Variants in EYS observed in about 807,000 individuals in gnomAD.
The protein encoded by EYS is EGF-like photoreceptor maintenance factor.
In EYS, 250 loss-of-function variants were observed where a neutral mutation model predicts 282.1. That is an observed-to-expected ratio of 0.89 (90% confidence interval 0.80 to 0.98). EYS has a LOEUF of 0.98. Ranked by LOEUF, EYS falls within the 50% of genes least tolerant of loss-of-function variation. The pLI, the probability that EYS is intolerant of heterozygous loss-of-function variation, is 0.00. For synonymous variants in EYS, 1,355 were observed against 1,282.9 expected (o/e 1.06, Z -1.20); for missense variants, 4,016 against 3,709.0 (o/e 1.08, Z -2.15).
intron 18 of EYS, among the ~76,000 whole-genome samples, chr6:64,890,542 T>A (rs945837106): frequency 7.9e-5 from 12 of 152,150 alleles, no homozygotes; most frequent in Non-Finnish European, 2.9e-5. Context: ...CCTACGTGAA[T>A]ATCAGGGCAG....
intron 1 of EYS, among the ~76,000 whole-genome samples, chr6:65,641,438 C>A (rs1235291476): frequency 1.3e-5 from 2 of 152,210 alleles, no homozygotes; most frequent in African/African-American, 2.4e-5. Context: ...TTTCTGAGAT[C>A]TCTGGCAAGT....
chr6:63,912,185 C>A (rs1764270509), intron 35 of EYS, among the ~76,000 whole-genome samples: 1 of 151,986 alleles, frequency 6.6e-6, no homozygotes, highest in Non-Finnish European at 1.5e-5. Flanking sequence ...CATTTTATAC[C>A]TCTATTTCAA....
At chr6:65,687,328 C>T (rs1350772845) in intron 1 of EYS, among the ~76,000 whole-genome samples, 1 of 152,002 alleles carries the variant, frequency 6.6e-6, no homozygotes. Context: ...ACATAACAGT[C>T]CAGTTGGAAA....
chr6:63,864,039 G>A, intron 36 of EYS, 147 bp downstream of exon 36: 1 of 697,644 alleles, frequency 1.4e-6, no homozygotes, highest in East Asian at 3.1e-5. Context: ...TCACTAATGG[G>A]TCTTGTCTCA....
At position 63,720,513 on chromosome 6, in the gene EYS, T is replaced by A. The variant is rs573554353; in HGVS notation, c.*83A>T. On this transcript the variant is annotated 3_prime_UTR_variant, in exon 43 of 43. Transcript: ENST00000503581. ...TCAGGTAATATAGTAAACAGTTGAT[T>A]CCCCGTAAGCAATGTATCAAAGAAA... is the stretch of plus-strand genomic sequence containing the variant. 7.1e-6 allele frequency: 7 copies of A among 985,006 alleles called. No homozygotes were observed. In the South Asian group the frequency reaches 1.0e-4, roughly 14 times the overall value. 61.0% of individuals were successfully genotyped at this position (985,006 alleles called of 1,614,324 possible). A position where few individuals can be genotyped will look rare whatever the true frequency, so the allele number is the denominator to read the frequency against.
chr6:64,054,332 T>C (rs1770911423), intron 33 of EYS, among the ~76,000 whole-genome samples: 1 of 152,074 alleles, frequency 6.6e-6, no homozygotes, highest in African/African-American at 2.4e-5. Context: ...TACAATTTCA[T>C]AGAAAAAAAA....
chr6:64,646,522 G>A (rs931239364), intron 22 of EYS, among the ~76,000 whole-genome samples: 2 of 152,070 alleles, frequency 1.3e-5, no homozygotes, highest in African/African-American at 4.8e-5. Flanking sequence ...ATTCTTTATA[G>A]GCAGGGCGCG....
At chr6:64,126,147 G>C (rs1773779080) in intron 31 of EYS, among the ~76,000 whole-genome samples, 1 of 152,020 alleles carries the variant, frequency 6.6e-6, no homozygotes, top group Non-Finnish European at 1.5e-5. Context: ...ACAGTGTGGT[G>C]ATTCCTCAAG....
At chr6:65,099,921 A>G (rs1264725172) in intron 12 of EYS, among the ~76,000 whole-genome samples, 1 of 150,864 alleles carries the variant, frequency 6.6e-6, no homozygotes. Context: ...CTTCATGGCA[A>G]AGATGAAAAG....
intron 1 of EYS, among the ~76,000 whole-genome samples, chr6:65,661,689 C>T (rs574445409): frequency 1.2e-4 from 19 of 152,106 alleles, no homozygotes; most frequent in African/African-American, 3.6e-4. Flanking sequence ...CTGGAACTTT[C>T]GGATGATTTC....
In EYS at chr6:64,392,288, T is replaced by G. The variant is rs562867303; in HGVS notation, c.5928-3448A>C. 4.5e-3 allele frequency among the ~76,000 whole-genome samples: 676 copies of G among 148,792 alleles called. 6 individuals are homozygous for G. Among genetic ancestry groups the G allele is most frequent in the Non-Finnish European group, 7.7e-3 (517 of 67,558 alleles). ...GCACCAAGCAGACCTAATAGACATC[T>G]ACAGAACTCTCCACCCCAAATCAAC... On this transcript the variant is annotated intron_variant, in intron 28 of 42. Coordinates refer to ENST00000503581, the MANE Select transcript of EYS (RefSeq NM_001142800.2).
chr6:63,780,045 G>T (rs940483995), intron 39 of EYS, among the ~76,000 whole-genome samples: 8 of 152,152 alleles, frequency 5.3e-5, no homozygotes, highest in African/African-American at 1.9e-4. Flanking sequence ...ATGGTTTACA[G>T]CTTCATCCAT....
intron 1 of EYS, among the ~76,000 whole-genome samples, chr6:65,694,488 T>G (rs1769365969): frequency 6.7e-6 from 1 of 149,956 alleles, no homozygotes; most frequent in Non-Finnish European, 1.5e-5. Context: ...GACAAATATT[T>G]GCATTTAAAC....
intron 31 of EYS, among the ~76,000 whole-genome samples, chr6:64,178,087 A>C (rs1764688344): frequency 6.6e-6 from 1 of 152,114 alleles, no homozygotes; most frequent in Non-Finnish European, 1.5e-5. Context: ...AATAAAAACC[A>C]GTGCTATGAA....
chr6:65,047,934 C>T (rs1186827131), intron 13 of EYS, among the ~76,000 whole-genome samples: 1 of 151,872 alleles, frequency 6.6e-6, no homozygotes, highest in Admixed American at 6.6e-5. Context: ...GCATAGCCAG[C>T]TTGAGGCAAA....
intron 35 of EYS, among the ~76,000 whole-genome samples, chr6:63,875,836 A>G (rs1165216674): frequency 6.6e-6 from 1 of 151,758 alleles, no homozygotes; most frequent in Non-Finnish European, 1.5e-5. Context: ...ATCATTTTTT[A>G]TTGTGTCTAT....
At chr6:64,757,243 C>T (rs1269367309) in intron 22 of EYS, among the ~76,000 whole-genome samples, 1 of 152,116 alleles carries the variant, frequency 6.6e-6, no homozygotes, top group African/African-American at 2.4e-5. Context: ...GAATCCTTCT[C>T]CAACCTGAAA....
chr6:65,335,677 C>T (rs1182272945), intron 10 of EYS, among the ~76,000 whole-genome samples: 1 of 151,546 alleles, frequency 6.6e-6, no homozygotes, highest in Non-Finnish European at 1.5e-5. Flanking sequence ...CTTGCCTGTC[C>T]CCCATAAATA....
chr6:64,726,599 C>T (rs1426231926), intron 22 of EYS, among the ~76,000 whole-genome samples: 2 of 152,062 alleles, frequency 1.3e-5, no homozygotes, highest in East Asian at 1.9e-4. Flanking sequence ...GTAAAGAACA[C>T]TTTTATTCTA....
Sources: allele counts gnomAD v4.1 joint callset (sites outside exome capture counted in the v4.1 genomes callset), GRCh38; gene constraint gnomAD v4.1.1; transcripts MANE v1.5; gene names NCBI Gene and HGNC (gene_info 2026-07-23, HGNC 2026-07-21).